EPHX1: variants seen among roughly 807,000 people sequenced by gnomAD.
EPHX1 encodes epoxide hydratase.
In EPHX1, 40 loss-of-function variants were observed where a neutral mutation model predicts 43.2. The ratio of observed to expected loss-of-function variants is 0.93; its 90% CI spans 0.72 to 1.21. The LOEUF is 1.21. EPHX1 is among the 50% of genes most tolerant of loss of function. The probability of loss-of-function intolerance (pLI) is 0.00; values close to 1 mark genes in which losing one functional copy is unlikely to be tolerated. For synonymous variants in EPHX1, 221 were observed against 226.7 expected (o/e 0.98, Z 0.22); for missense variants, 550 against 570.4 (o/e 0.96, Z 0.36).
intron 1 of EPHX1, among the ~76,000 whole-genome samples, chr1:225,818,416 C>T (rs1270271174): frequency 6.6e-6 from 1 of 152,110 alleles, no homozygotes; most frequent in Non-Finnish European, 1.5e-5. Context: ...ACTGAGAGAT[C>T]TGCCTTGCTG....
At position 225,844,597 on chromosome 1, in the gene EPHX1, G is replaced by C; in HGVS notation, c.1140G>C (p.Gln380His). 1 of 1,614,148 alleles carries C rather than the reference G, an allele frequency of 6.2e-7. No homozygotes were observed. Among genetic ancestry groups the C allele is most frequent in the Non-Finnish European group, 8.5e-7 (1 of 1,180,014 alleles). ...SQRFYKENLG[Q>H]GWMTQKHERM... ...GCTTCTACAAGGAGAACCTGGGACA[G>C]GGCTGGATGACCCAGAAGCATGAGC... The change falls in exon 8 of 9, where the codon CAG becomes CAC. Residue 380 changes from glutamine (Q) to histidine (H), a missense_variant. Gln to His is a conservative substitution (Grantham distance 24, BLOSUM62 0). Transcript: ENST00000272167.
In EPHX1 at chr1:225,844,587, A is replaced by C. The variant is rs1668763832; in HGVS notation, c.1130A>C (p.Asn377Thr). 1 of 1,614,000 alleles carries C rather than the reference A, an allele frequency of 6.2e-7. No homozygotes were observed. Among genetic ancestry groups the C allele is most frequent in the African/African-American group, 1.3e-5 (1 of 74,900 alleles). The change falls in exon 8 of 9, where the codon AAC (asparagine) becomes ACC (threonine). Residue 377 changes from asparagine to threonine, a missense_variant. Physicochemically the swap from Asn to Thr is moderately conservative, Grantham distance 65. Transcript: ENST00000272167. ...IISSQRFYKE[N>T]LGQGWMTQKH... ...TCCTCCCAGCGCTTCTACAAGGAGA[A>C]CCTGGGACAGGGCTGGATGACCCAG...
chr1:225,834,725 C>G (rs189319754), intron 3 of EPHX1, among the ~76,000 whole-genome samples: 1 of 152,188 alleles, frequency 6.6e-6, no homozygotes, highest in East Asian at 1.9e-4. Flanking sequence ...CACTTAATCC[C>G]AGCCAAACTG....
intron 1 of EPHX1, among the ~76,000 whole-genome samples, chr1:225,819,413 A>G (rs1001640012): frequency 6.6e-6 from 1 of 151,852 alleles, no homozygotes; most frequent in Non-Finnish European, 1.5e-5. Context: ...AAAAAAAAAA[A>G]TGTTTTAAAA....
chr1:225,837,338 G>A (rs949214556), intron 3 of EPHX1, among the ~76,000 whole-genome samples: 4 of 152,180 alleles, frequency 2.6e-5, no homozygotes, highest in African/African-American at 9.6e-5. Context: ...CATGGCAGCC[G>A]CCCTCACTGT....
intron 1 of EPHX1, among the ~76,000 whole-genome samples, chr1:225,819,298 A>G (rs1276490206): frequency 2.0e-5 from 3 of 151,264 alleles, no homozygotes; most frequent in Non-Finnish European, 2.9e-5. Context: ...CCCGCTACTC[A>G]GGAGACTGAG....
At chr1:225,839,466 T>A in intron 5 of EPHX1, 120 bp downstream of exon 5, 2 of 1,527,876 alleles carry the variant, frequency 1.3e-6, no homozygotes, top group Non-Finnish European at 8.8e-7. Context: ...GGAGGGAGTG[T>A]GACCTGTCAC....
chr1:225,811,148 C>A (rs1403983637), intron 1 of EPHX1, among the ~76,000 whole-genome samples: 1 of 152,182 alleles, frequency 6.6e-6, no homozygotes, highest in Non-Finnish European at 1.5e-5. Context: ...GGAATGTGGT[C>A]AACCTGAGCA....
At chr1:225,819,403 A>G (rs1416088449) in intron 1 of EPHX1, among the ~76,000 whole-genome samples, 2 of 152,124 alleles carry the variant, frequency 1.3e-5, no homozygotes, top group African/African-American at 2.4e-5. Context: ...TCCATCTAAA[A>G]AAAAAAAAAA....
intron 1 of EPHX1, among the ~76,000 whole-genome samples, chr1:225,820,087 TTTTCTTTC>T (rs768710959): frequency 6.6e-6 from 1 of 152,012 alleles, no homozygotes. Context: ...CCCAAGTATA[TTTTCTTTC>T]TTTCTTTTTT....
At position 225,823,642 on chromosome 1, in the gene EPHX1, C is replaced by T. The variant is rs1469279916; in HGVS notation, c.-5-5083C>T. ...GGGTGATGCAGCCCTGCTCTGTCCT[C>T]TTGAGTGCTGGGTGGCCATGAGAGA... On this transcript the variant is annotated intron_variant, in intron 1 of 8. Transcript: ENST00000272167. Among the ~76,000 whole-genome samples, 5 of 152,324 alleles carry T rather than the reference C, an allele frequency of 3.3e-5. No individual in the cohort carries two copies. In the East Asian group the frequency reaches 7.7e-4, roughly 24 times the overall value.
chr1:225,841,595 C>T (rs1668420839), intron 6 of EPHX1, among the ~76,000 whole-genome samples: 1 of 144,098 alleles, frequency 6.9e-6, no homozygotes. Context: ...GTCCCACTGT[C>T]CCAGCCTTTT....
rs755422095 is a variant in EPHX1 at position 225,845,315 on chromosome 1, C to T, written c.1336C>T (p.Arg446Cys). 9.9e-6 allele frequency: 16 copies of T among 1,611,968 alleles called. No individual in the cohort carries two copies. The highest frequency in any genetic ancestry group is 8.0e-5 in the African/African-American group (6 of 74,870). ...GCCGGAGCTGCTCGCCCAGGACATC[C>T]GCAAGTTCCTGTCGGTGCTGGAGCG... Reference protein sequence around the residue: ...EEPELLAQDIRKFLSVLERQ With the variant: ...EEPELLAQDICKFLSVLERQ Residue 446 changes from arginine (R) to cysteine (C), a missense_variant, in exon 9 of 9, where the codon CGC (arginine) becomes TGC (cysteine). Transcript: ENST00000272167.
chr1:225,832,059 A>G (rs1186388496), intron 3 of EPHX1, 100 bp downstream of exon 3: 8 of 1,320,774 alleles, frequency 6.1e-6, no homozygotes, highest in Non-Finnish European at 7.5e-6. Context: ...GAGATTCAGA[A>G]CCCAATTATA....
intron 3 of EPHX1, among the ~76,000 whole-genome samples, chr1:225,833,720 A>G (rs556036885): frequency 3.1e-4 from 46 of 146,784 alleles, no homozygotes; most frequent in African/African-American, 1.1e-3. Flanking sequence ...GCGTGAACCC[A>G]GGAGATGGAG....
intron 3 of EPHX1, among the ~76,000 whole-genome samples, chr1:225,837,950 CAA>C (rs1207789708): frequency 1.3e-5 from 2 of 152,208 alleles, no homozygotes; most frequent in African/African-American, 4.8e-5. Context: ...ACATAAAACT[CAA>C]AGAGAAATTA....
At chr1:225,825,944 C>T (rs1481590377) in intron 1 of EPHX1, among the ~76,000 whole-genome samples, 1 of 152,206 alleles carries the variant, frequency 6.6e-6, no homozygotes, top group Non-Finnish European at 1.5e-5. Context: ...GACTTTTCTC[C>T]ATCTTCTTAA....
intron 3 of EPHX1, among the ~76,000 whole-genome samples, chr1:225,833,964 G>A (rs1477861569): frequency 6.6e-6 from 1 of 151,320 alleles, no homozygotes; most frequent in Non-Finnish European, 1.5e-5. Flanking sequence ...CGGGCGTGGT[G>A]GCAGGCGCCT....
chr1:225,844,411 C>G, intron 7 of EPHX1, 87 bp from the exon 8 acceptor site: 1 of 1,604,996 alleles, frequency 6.2e-7, no homozygotes, highest in Admixed American at 1.7e-5. Context: ...ATGGGCAGGG[C>G]CTGGCATTTG....
Sources: allele counts gnomAD v4.1 joint callset (sites outside exome capture counted in the v4.1 genomes callset), GRCh38; gene constraint gnomAD v4.1.1; transcripts MANE v1.5; gene names NCBI Gene and HGNC (gene_info 2026-07-23, HGNC 2026-07-21).